Variants in BACE2 observed in about 807,000 individuals in gnomAD.
BACE2 encodes 56 kDa aspartic-like protease.
In BACE2, 17 loss-of-function variants were observed where a neutral mutation model predicts 46.2. The ratio of observed to expected loss-of-function variants is 0.37; its 90% CI spans 0.25 to 0.55. BACE2 has a LOEUF of 0.55. Ranked by LOEUF, BACE2 falls within the 20% of genes least tolerant of loss-of-function variation. The pLI is 0.82. For synonymous variants in BACE2, 277 were observed against 295.9 expected, an observed-to-expected ratio of 0.94 and a Z score of 0.66; for missense variants, 595 against 698.1, an observed-to-expected ratio of 0.85 and a Z score of 1.66.
chr21:41,226,759 T>G (rs1986830910), intron 2 of BACE2, among the ~76,000 whole-genome samples: 1 of 152,194 alleles, frequency 6.6e-6, no homozygotes, highest in African/African-American at 2.4e-5. Context: ...GGTGTGGGTT[T>G]GCTTCCTCAG....
At chr21:41,265,705 T>C (rs1988050791) in intron 8 of BACE2, among the ~76,000 whole-genome samples, 1 of 152,216 alleles carries the variant, frequency 6.6e-6, no homozygotes, top group African/African-American at 2.4e-5. Context: ...ATTAACCATA[T>C]GCTTGGAGGA....
chr21:41,183,179 G>A (rs369137740), intron 1 of BACE2: 6 of 165,252 alleles, frequency 3.6e-5, no homozygotes, highest in East Asian at 1.9e-4. Context: ...CTAGATCACC[G>A]AGAACCAAGG....
At chr21:41,250,195 G>A (rs1271955822) in intron 6 of BACE2, among the ~76,000 whole-genome samples, 1 of 152,166 alleles carries the variant, frequency 6.6e-6, no homozygotes, top group Non-Finnish European at 1.5e-5. Context: ...AGAAGCCAGG[G>A]AGGGCTTCCT....
intron 7 of BACE2, among the ~76,000 whole-genome samples, 175 bp from the exon 8 acceptor site, chr21:41,256,983 C>G (rs890562304): frequency 6.6e-6 from 1 of 152,152 alleles, no homozygotes; most frequent in Admixed American, 6.5e-5. Flanking sequence ...ATATTGATCA[C>G]CATGCTTTTG....
At chr21:41,237,139 GGATACATAA>G (rs1987145782) in intron 2 of BACE2, among the ~76,000 whole-genome samples, 1 of 152,174 alleles carries the variant, frequency 6.6e-6, no homozygotes, top group Non-Finnish European at 1.5e-5. Flanking sequence ...TCGGGAACAT[GGATACATAA>G]GAGAATGCAA....
intron 1 of BACE2, chr21:41,180,656 G>A (rs974538903): frequency 6.0e-6 from 1 of 167,140 alleles, no homozygotes; most frequent in African/African-American, 2.4e-5. Flanking sequence ...GGTCCTAGAA[G>A]AGGTGAAAAA....
At chr21:41,268,777 T>A (rs1388398740) in intron 8 of BACE2, among the ~76,000 whole-genome samples, 1 of 152,022 alleles carries the variant, frequency 6.6e-6, no homozygotes, top group Non-Finnish European at 1.5e-5. Context: ...ACATCTACAT[T>A]GAAGAAAATT....
chr21:41,274,931 G>A (rs971168273), intron 8 of BACE2, among the ~76,000 whole-genome samples: 9 of 152,164 alleles, frequency 5.9e-5, no homozygotes, highest in South Asian at 2.1e-4. Flanking sequence ...TCCCCATGAC[G>A]TAGGCAGGTC....
At chr21:41,175,408 C>G (rs1296366862) in intron 1 of BACE2, 2 of 152,286 alleles carry the variant, frequency 1.3e-5, no homozygotes, top group African/African-American at 4.8e-5. Flanking sequence ...CACACTCCAT[C>G]TGTTTCACGC....
In BACE2 at chr21:41,252,024, G is replaced by A. The variant is rs894179988; in HGVS notation, c.1134+1123G>A. Among the ~76,000 whole-genome samples the A allele has an allele frequency of 2.0e-5, 3 of 152,130 alleles. No individual in the cohort carries two copies. The East Asian group carries it at 5.8e-4, about 29-fold the overall frequency. On this transcript the variant is annotated intron_variant, in intron 7 of 8. Transcript: ENST00000330333. ...GCCCTTGCGCGTGTGGCTCTCACCA[G>A]CACTTCTGTAACCTGCAGAGTGCTG...
At chr21:41,190,997 G>T in intron 1 of BACE2, among the ~76,000 whole-genome samples, 1 of 152,126 alleles carries the variant, frequency 6.6e-6, no homozygotes, top group East Asian at 1.9e-4. Flanking sequence ...AAGACCTCTA[G>T]ACCAACAGAA....
intron 4 of BACE2, among the ~76,000 whole-genome samples, 175 bp from the exon 5 acceptor site, chr21:41,243,201 C>T (rs1204355961): frequency 1.3e-5 from 2 of 152,180 alleles, no homozygotes; most frequent in Admixed American, 6.5e-5. Flanking sequence ...CGTGAGCCAC[C>T]GCGCCTGGCT....
chr21:41,234,265 C>T (rs543019435), intron 2 of BACE2, among the ~76,000 whole-genome samples: 4 of 152,288 alleles, frequency 2.6e-5, no homozygotes, highest in South Asian at 4.1e-4. Context: ...TCCCCAGCCA[C>T]GTAGAATTGT....
chr21:41,241,929 G>C lies in BACE2; in HGVS notation c.729G>C (p.Gly243=). 1 of 1,614,168 alleles carries C rather than the reference G, an allele frequency of 6.2e-7. No homozygotes were observed. ...CCGGCTTGCCCGTTGCTGGATCTGG[G>C]ACCAACGGAGGTAGTCTTGTGGGTA... ...CGAGLPVAGS[G]TNGGSLVLGG... is the part of the protein sequence containing the mutation. The change falls in exon 4 of 9, where the codon GGG becomes GGC. Residue 243 remains glycine (G), a synonymous_variant. Transcript: ENST00000330333.
intron 8 of BACE2, among the ~76,000 whole-genome samples, chr21:41,273,733 C>T (rs2088456565): frequency 6.6e-6 from 1 of 152,172 alleles, no homozygotes; most frequent in African/African-American, 2.4e-5. Flanking sequence ...AAAGTAAAGA[C>T]AGCATAGGAA....
rs1987162135 is a variant in BACE2, at chr21:41,237,561, A to G, written c.450A>G (p.Thr150=). The change falls in exon 3 of 9, where the codon ACA becomes ACG. Residue 150 remains threonine, a synonymous_variant. Coordinates refer to ENST00000330333, the MANE Select transcript of BACE2 (RefSeq NM_012105.5). ...GCTTTGACGTCACAGTGAAGTACAC[A>G]CAAGGAAGCTGGACGGGCTTCGTTG... ...SKGFDVTVKY[T]QGSWTGFVGE... The G allele has an allele frequency of 6.2e-7, 1 of 1,614,248 alleles. No homozygotes were observed. The highest frequency in any genetic ancestry group is 8.5e-7 in the Non-Finnish European group (1 of 1,180,042).
intron 1 of BACE2, among the ~76,000 whole-genome samples, chr21:41,170,525 A>G (rs1244227996): frequency 3.3e-5 from 5 of 152,176 alleles, no homozygotes; most frequent in African/African-American, 1.2e-4. Flanking sequence ...CCAAATGCCT[A>G]CTGTAAAGTC....
At chr21:41,200,203 A>C (rs116538541) in intron 1 of BACE2, among the ~76,000 whole-genome samples, 22,375 of 133,002 alleles carry the variant, frequency 0.17, 1,793 homozygotes, top group African/African-American at 0.25. Flanking sequence ...AAAAAAAAAC[A>C]AAAAAAAAAC....
chr21:41,188,515 GT>G (rs914444795), intron 1 of BACE2, among the ~76,000 whole-genome samples: 2 of 152,154 alleles, frequency 1.3e-5, no homozygotes, highest in African/African-American at 4.8e-5. Context: ...AGTCATGCCT[GT>G]GTCTAGAGTG....
Sources: allele counts gnomAD v4.1 joint callset (sites outside exome capture counted in the v4.1 genomes callset), GRCh38; gene constraint gnomAD v4.1.1; transcripts MANE v1.5; gene names NCBI Gene and HGNC (gene_info 2026-07-23, HGNC 2026-07-21).